Variants in TAS2R1 observed in about 807,000 individuals in gnomAD.
TAS2R1 encodes taste 2 receptor member 1.
For synonymous variants in TAS2R1, 141 were observed against 134.2 expected, an observed-to-expected ratio of 1.05 and a Z score of -0.35; for missense variants, 370 against 353.4, an observed-to-expected ratio of 1.05 and a Z score of -0.38.
intron 1 of TAS2R1, among the ~76,000 whole-genome samples, chr5:9,667,764 A>T (rs1378086092): frequency 6.6e-6 from 1 of 152,194 alleles, no homozygotes; most frequent in Admixed American, 6.5e-5. Context: ...AAATAAAAAC[A>T]AAGAAACTCA....
intron 1 of TAS2R1, among the ~76,000 whole-genome samples, chr5:9,672,589 C>T (rs1740790885): frequency 6.6e-6 from 1 of 152,146 alleles, no homozygotes; most frequent in South Asian, 2.1e-4. Flanking sequence ...GAGATACTGT[C>T]TCACACCAGT....
chr5:9,753,886 T>A, the TAS2R1 span, among the ~76,000 whole-genome samples: 1 of 152,218 alleles, frequency 6.6e-6, no homozygotes, highest in East Asian at 1.9e-4. Context: ...CTGAGGGCTC[T>A]GTTCTGTTCC....
At chr5:9,750,281 G>A in the TAS2R1 span, among the ~76,000 whole-genome samples, 1 of 152,082 alleles carries the variant, frequency 6.6e-6, no homozygotes, top group Non-Finnish European at 1.5e-5. Flanking sequence ...GCCTTTTCAA[G>A]CTTAGGTGCT....
chr5:9,780,241 T>C, the TAS2R1 span, among the ~76,000 whole-genome samples: 4 of 152,230 alleles, frequency 2.6e-5, no homozygotes, highest in Non-Finnish European at 5.9e-5. Flanking sequence ...GGAAGAGATT[T>C]CTTTGCTGGA....
At chr5:9,849,156 T>G in the TAS2R1 span, among the ~76,000 whole-genome samples, 1 of 152,220 alleles carries the variant, frequency 6.6e-6, no homozygotes, top group Non-Finnish European at 1.5e-5. Context: ...GATGGAGATG[T>G]TCCTGGGATC....
chr5:9,897,117 T>C, the TAS2R1 span, among the ~76,000 whole-genome samples: 2 of 152,162 alleles, frequency 1.3e-5, no homozygotes, highest in African/African-American at 2.4e-5. Flanking sequence ...TTTAAAGGGA[T>C]GTAACATGAG....
At chr5:9,869,615 A>G in the TAS2R1 span, among the ~76,000 whole-genome samples, 1 of 152,232 alleles carries the variant, frequency 6.6e-6, no homozygotes, top group African/African-American at 2.4e-5. Context: ...CTGAGCAGCA[A>G]GGCTCTAATA....
At chr5:9,896,718 G>A in the TAS2R1 span, among the ~76,000 whole-genome samples, 65 of 152,204 alleles carry the variant, frequency 4.3e-4, 1 homozygote, top group Non-Finnish European at 4.4e-5. Flanking sequence ...TGTTGTTTAG[G>A]TCTTAACACT....
At chr5:9,860,591 A>T in the TAS2R1 span, among the ~76,000 whole-genome samples, 1 of 152,204 alleles carries the variant, frequency 6.6e-6, no homozygotes, top group African/African-American at 2.4e-5. Context: ...GTGTAAAAGG[A>T]TGTGTGGGGA....
chr5:9,830,203 G>GGATGGATGGATGGATA, the TAS2R1 span, among the ~76,000 whole-genome samples: 1 of 151,414 alleles, frequency 6.6e-6, no homozygotes, highest in South Asian at 2.1e-4. Flanking sequence ...ATGGATGGAT[G>GGATGGATGGATGGATA]GATGGATAGA....
the TAS2R1 span, among the ~76,000 whole-genome samples, chr5:9,809,805 A>G: frequency 0.79 from 119,862 of 152,146 alleles, 47,494 homozygotes; most frequent in East Asian, 0.87. Context: ...TCATTCTTAA[A>G]TGGGATCTCT....
At chr5:9,826,981 A>G in the TAS2R1 span, among the ~76,000 whole-genome samples, 1 of 152,222 alleles carries the variant, frequency 6.6e-6, no homozygotes, top group Admixed American at 6.5e-5. Context: ...GGACAATTTA[A>G]TCTACCCTTT....
the TAS2R1 span, among the ~76,000 whole-genome samples, chr5:9,791,674 G>A: frequency 1.3e-5 from 2 of 152,150 alleles, no homozygotes; most frequent in East Asian, 1.9e-4. Context: ...ACTCCAGCCT[G>A]GGCAATGAAG....
chr5:9,796,239 C>T, the TAS2R1 span, among the ~76,000 whole-genome samples: 10 of 152,216 alleles, frequency 6.6e-5, no homozygotes, highest in Admixed American at 2.6e-4. Flanking sequence ...AAAATGCTTG[C>T]TAAACAGATG....
the TAS2R1 span, among the ~76,000 whole-genome samples, chr5:9,718,576 C>T: frequency 6.6e-6 from 1 of 152,060 alleles, no homozygotes; most frequent in Non-Finnish European, 1.5e-5. Flanking sequence ...CTGCTTGAGG[C>T]CAGGAGTTTA....
chr5:9,667,130 T>C, intron 1 of TAS2R1, among the ~76,000 whole-genome samples: 1 of 152,244 alleles, frequency 6.6e-6, no homozygotes, highest in East Asian at 1.9e-4. Flanking sequence ...TGCCTGGCAT[T>C]CTGTTGAAAA....
the TAS2R1 span, among the ~76,000 whole-genome samples, chr5:9,756,406 C>T: frequency 6.6e-6 from 1 of 152,126 alleles, no homozygotes; most frequent in Non-Finnish European, 1.5e-5. Context: ...ATCAATGTCT[C>T]CCAAGAGTAA....
At chr5:9,857,702 T>G in the TAS2R1 span, among the ~76,000 whole-genome samples, 4 of 152,210 alleles carry the variant, frequency 2.6e-5, no homozygotes, top group Admixed American at 2.6e-4. Flanking sequence ...GTAGGAGTTA[T>G]GTCTCGTTAT....
the TAS2R1 span, among the ~76,000 whole-genome samples, chr5:9,723,779 C>A: frequency 6.6e-6 from 1 of 152,206 alleles, no homozygotes; most frequent in East Asian, 1.9e-4. Flanking sequence ...GGCATGATGA[C>A]CAGTTGTGCT....
Sources: gnomAD v4.1 joint callset for allele counts (sites outside exome capture counted in the v4.1 genomes callset) on GRCh38, gnomAD v4.1.1 for gene constraint, MANE v1.5 for transcripts, NCBI Gene and HGNC (gene_info 2026-07-23, HGNC 2026-07-21) for gene names.